Variants in TEPSIN observed in about 807,000 individuals in gnomAD.
TEPSIN encodes AP-4 complex accessory subunit tepsin.
TEPSIN carries 50 observed loss-of-function variants against 48.5 expected under a neutral mutation model. That is an observed-to-expected ratio of 1.03 (90% CI 0.82 to 1.31). TEPSIN has a LOEUF of 1.31. TEPSIN is among the 50% of genes most tolerant of loss of function. TEPSIN has a pLI of 0.00. For synonymous variants in TEPSIN, 392 were observed against 358.8 expected (o/e 1.09, Z -1.05); for missense variants, 838 against 815.9 (o/e 1.03, Z -0.33).
chr17:81,230,611 CGGA>C lies in TEPSIN; in HGVS notation c.1163_1165del (p.Leu388del), dbSNP rs2062574532. ...GAGCTCCTGCAGCCACGGCCGGGTG[CGGA>C]GGAGGATGTGCTCCTGGGGGAGGAG... On this transcript the variant is annotated inframe_deletion, in exon 12 of 13. Coordinates refer to ENST00000637944, the MANE Select transcript of TEPSIN (RefSeq NM_001363764.2). This position sits in a 1 kb window ranked among gnomAD's most constrained non-coding sequence, Gnocchi z 4.2. 6.2e-7 allele frequency: 1 copy of C among 1,606,576 alleles called. No homozygotes were observed. Among genetic ancestry groups the C allele is most frequent in the Non-Finnish European group, 8.5e-7 (1 of 1,176,570 alleles).
chr17:81,228,418 GA>G lies in TEPSIN; in HGVS notation c.*509del. Reference sequence around the variant, plus strand: ...CCTAAAGGAGCAGGTGAGAGCCAGGGAAGGATCACGTAGGGATCTGAGACTT... The same window carrying G: ...CCTAAAGGAGCAGGTGAGAGCCAGGGAGGATCACGTAGGGATCTGAGACTT... On this transcript the variant is annotated 3_prime_UTR_variant, in exon 13 of 13. Coordinates refer to ENST00000637944, the MANE Select transcript of TEPSIN (RefSeq NM_001363764.2). The G allele has an allele frequency of 5.4e-6, 1 of 185,190 alleles. No individual in the cohort carries two copies. Among genetic ancestry groups the G allele is most frequent in the South Asian group, 9.9e-5 (1 of 10,138 alleles). The allele number at this position is 185,190 out of a possible 1,614,324, so 11.5% of individuals were successfully genotyped here. A position where few individuals can be genotyped will look rare whatever the true frequency, so the allele number is the denominator to read the frequency against.
chr17:81,238,617 C>T (rs1455373828), intron 1 of TEPSIN: 2 of 1,116,010 alleles, frequency 1.8e-6, no homozygotes, highest in Non-Finnish European at 2.2e-6. Context: ...TCAGGGAGGA[C>T]GGCGGGCTGC....
At position 81,231,378 on chromosome 17, in the gene TEPSIN, C is replaced by T. The variant is rs116614621; in HGVS notation, c.1098+20G>A. ...GCACATGCACACAGTCACGCCCTCC[C>T]GCCCGCGTGTGCAGCTCACCAGCTG... On this transcript the variant is annotated intron_variant, in intron 11 of 12. Transcript: ENST00000637944. 8.5e-4 allele frequency: 1,304 copies of T among 1,529,362 alleles called. 10 individuals are homozygous for T. In the African/African-American group the frequency reaches 0.016, roughly 18 times the overall value. 94.7% of individuals were successfully genotyped at this position (1,529,362 alleles called of 1,614,324 possible).
rs2062743551 is a variant in TEPSIN, at chr17:81,237,420, G to A, written c.88C>T (p.Pro30Ser). 6.2e-7 allele frequency: 1 copy of A among 1,611,834 alleles called. No homozygotes were observed. The highest frequency in any genetic ancestry group is 8.5e-7 in the Non-Finnish European group (1 of 1,179,466). ...LLKGTSDDDV[P>S]CPGYLFEEIA... ...TCTTCAAACAGGTAGCCCGGACACG[G>A]GACATCATCATCGGACGTCCCCTTC... is the stretch of plus-strand genomic sequence containing the variant. Residue 30 changes from proline (P) to serine (S), a missense_variant, in exon 2 of 13, where the codon CCG becomes TCG. Transcript: ENST00000637944.
In TEPSIN at chr17:81,234,919, T is replaced by C. The variant is rs545972575; in HGVS notation, c.308-871A>G. On this transcript the variant is annotated intron_variant, in intron 4 of 12. Transcript: ENST00000637944. This position sits in a 1 kb window ranked among gnomAD's most constrained non-coding sequence, Gnocchi z 5.4. ...CTTAACCAAAAACTGCCTAAATCCATAGGGCATCAGCCTAATGGCTAAGGT... is the reference window on the plus strand; with the variant it reads ...CTTAACCAAAAACTGCCTAAATCCACAGGGCATCAGCCTAATGGCTAAGGT... Among the ~76,000 whole-genome samples, 18 of 152,178 alleles carry C rather than the reference T, an allele frequency of 1.2e-4. No homozygotes were observed. The highest frequency in any genetic ancestry group is 4.3e-4 in the African/African-American group (18 of 41,518).
In TEPSIN at chr17:81,230,733, G is replaced by A; in HGVS notation, c.1099-55C>T. ...CCATGGGGCAGCAGGTCCACGCCAG[G>A]GAGGCCTATTTGGCCATCTCTCTCC... On this transcript the variant is annotated intron_variant, in intron 11 of 12. Coordinates refer to ENST00000637944, the MANE Select transcript of TEPSIN (RefSeq NM_001363764.2). This position sits in a 1 kb window ranked among gnomAD's most constrained non-coding sequence, Gnocchi z 4.2. 25 of 1,468,234 alleles carry A rather than the reference G, an allele frequency of 1.7e-5. No homozygotes were observed. Among genetic ancestry groups the A allele is most frequent in the Non-Finnish European group, 2.3e-5 (25 of 1,109,648 alleles). 91.0% of individuals were successfully genotyped at this position (1,468,234 alleles called of 1,614,324 possible). A position where few individuals can be genotyped will look rare whatever the true frequency, so the allele number is the denominator to read the frequency against.
intron 1 of TEPSIN, chr17:81,238,512 A>G: frequency 1.5e-6 from 1 of 689,354 alleles, no homozygotes; most frequent in Non-Finnish European, 1.8e-6. Flanking sequence ...AGAGGGGCTT[A>G]CAATGGTGCG....
rs1267594927 is a variant in TEPSIN, at chr17:81,233,681, C to T, written c.411G>A (p.Leu137=). 2 of 1,600,232 alleles carry T rather than the reference C, an allele frequency of 1.2e-6. No individual in the cohort carries two copies. The highest frequency in any genetic ancestry group is 1.3e-5 in the African/African-American group (1 of 74,852). The change falls in exon 6 of 13, where the codon TTG becomes TTA. Residue 137 remains leucine (L), a synonymous_variant. Transcript: ENST00000637944. This position sits in a 1 kb window ranked among gnomAD's most constrained non-coding sequence, Gnocchi z 5.8. ...CCAGAGGCTGGGAGGGAGCCAGCGG[C>T]AACACGGTGTCCGAGAACAGGGTGC... ...LGSTLFSDTV[L]PLAPSQPLGT... is the part of the protein sequence containing the mutation.
chr17:81,232,724 T>G, intron 7 of TEPSIN: 1 of 567,880 alleles, frequency 1.8e-6, no homozygotes, highest in South Asian at 2.4e-5. Flanking sequence ...CCAGTGGGCC[T>G]GGACACCAAA....
rs774970166 is a variant in TEPSIN at position 81,230,049 on chromosome 17, G to A, written c.1233+495C>T. On this transcript the variant is annotated intron_variant, in intron 12 of 12. Transcript: ENST00000637944. The surrounding 1 kb of genome is among the most constrained non-coding windows in gnomAD (Gnocchi z 4.2). ...GAAGCTGGGAATGCCCACAGGCAGA[G>A]GGAAGGTGCCAGGGCCTGGCGGCCG... is the stretch of plus-strand genomic sequence containing the variant. The A allele has an allele frequency of 4.7e-5, 8 of 169,104 alleles. No individual in the cohort carries two copies. Among genetic ancestry groups the A allele is most frequent in the Non-Finnish European group, 1.0e-4 (8 of 79,416 alleles). The allele number at this position is 169,104 out of a possible 1,614,324, so 10.5% of individuals were successfully genotyped here.
chr17:81,232,708 C>T (rs2062642251), intron 7 of TEPSIN, 190 bp from the exon 8 acceptor site: 3 of 578,126 alleles, frequency 5.2e-6, no homozygotes, highest in Non-Finnish European at 9.1e-6. Flanking sequence ...TTTGGCATTC[C>T]CACTCCCAGT....
Position 81,229,121 on chromosome 17 carries a change from C to T in TEPSIN, c.1589G>A (p.Ser530Asn). ...CAAGGAGTCGCGGCTCCACGCACAG[C>T]TGCTGGGGCCTCTCTTTGGGCTGTC... ...GTDSPKRGPS[S>N]CAWSRDSLFA... Residue 530 changes from serine to asparagine, a missense_variant, in exon 13 of 13, where the codon AGC becomes AAC. Coordinates refer to ENST00000637944, the MANE Select transcript of TEPSIN (RefSeq NM_001363764.2). 2 of 1,613,332 alleles carry T rather than the reference C, an allele frequency of 1.2e-6. No homozygotes were observed. The highest frequency in any genetic ancestry group is 1.7e-6 in the Non-Finnish European group (2 of 1,179,898).
rs532784829 is a variant in TEPSIN at position 81,231,991 on chromosome 17, C to T, written c.761G>A (p.Gly254Glu). 3.5e-5 allele frequency: 56 copies of T among 1,611,562 alleles called. No homozygotes were observed. Among genetic ancestry groups the T allele is most frequent in the Non-Finnish European group, 4.5e-5 (53 of 1,179,950 alleles). ...GCCGCTGTCCAGCTCATCCCAGCCCCCTCCGGCCTGCCCAGGCTGATGCCT... is the reference window on the plus strand; with the variant it reads ...GCCGCTGTCCAGCTCATCCCAGCCCTCTCCGGCCTGCCCAGGCTGATGCCT... ...AVRHQPGQAG[G>E]GWDELDSGPS... The change falls in exon 9 of 13, where the codon GGG (glycine) becomes GAG (glutamate). Residue 254 changes from glycine (G) to glutamate (E), a missense_variant. Physicochemically the swap from Gly to Glu is moderately conservative, Grantham distance 98. Transcript: ENST00000637944.
At chr17:81,238,193 TG>T in intron 1 of TEPSIN, 1 of 985,572 alleles carries the variant, frequency 1.0e-6, no homozygotes, top group Non-Finnish European at 1.2e-6. Flanking sequence ...GGACCTGAAG[TG>T]TTTCCCGAGG....
intron 4 of TEPSIN, among the ~76,000 whole-genome samples, chr17:81,236,274 C>T (rs563013194): frequency 6.6e-6 from 1 of 152,330 alleles, no homozygotes; most frequent in African/African-American, 2.4e-5. Flanking sequence ...TCTTGGGCTC[C>T]GAGGAGCAGC....
Position 81,233,328 on chromosome 17 carries a change from C to G in TEPSIN, c.526+104G>C. 7.4e-7 allele frequency: 1 copy of G among 1,352,892 alleles called. No homozygotes were observed. Among genetic ancestry groups the G allele is most frequent in the Admixed American group, 2.2e-5 (1 of 44,874 alleles). 83.8% of individuals were successfully genotyped at this position (1,352,892 alleles called of 1,614,324 possible). A position where few individuals can be genotyped will look rare whatever the true frequency, so the allele number is the denominator to read the frequency against. The stretch of plus-strand genomic sequence containing the variant: ...GGTTGAGGCCATGTAGGGGAGGGGA[C>G]GGGGGACAGCAGCTACTAGATGGGG... On this transcript the variant is annotated intron_variant, in intron 7 of 12. Transcript: ENST00000637944. This position sits in a 1 kb window ranked among gnomAD's most constrained non-coding sequence, Gnocchi z 5.8.
At chr17:81,237,621 C>A (rs774099146) in intron 1 of TEPSIN, 162 bp from the exon 2 acceptor site, 22 of 728,522 alleles carry the variant, frequency 3.0e-5, no homozygotes, top group Non-Finnish European at 4.6e-5. Context: ...CACAGGGAGG[C>A]TGCAGCAGGG....
intron 4 of TEPSIN, among the ~76,000 whole-genome samples, chr17:81,235,289 G>A (rs1271969522): frequency 2.0e-5 from 3 of 152,214 alleles, no homozygotes; most frequent in Non-Finnish European, 4.4e-5. Flanking sequence ...TGCCAGCTGC[G>A]TTTTCTTTCC....
Position 81,230,765 on chromosome 17 carries a change from TTCC to T in TEPSIN, c.1099-90_1099-88del. On this transcript the variant is annotated intron_variant, in intron 11 of 12. Coordinates refer to ENST00000637944, the MANE Select transcript of TEPSIN (RefSeq NM_001363764.2). This position sits in a 1 kb window ranked among gnomAD's most constrained non-coding sequence, Gnocchi z 4.2. ...TATTTGGCCATCTCTCTCCCTCTTC[TTCC>T]TCCTCATCAATGACTGGAGTGCCAG... The T allele has an allele frequency of 8.4e-6, 12 of 1,425,300 alleles. No individual in the cohort carries two copies. Among genetic ancestry groups the T allele is most frequent in the Non-Finnish European group, 1.1e-5 (12 of 1,083,508 alleles). The allele number at this position is 1,425,300 out of a possible 1,614,324, so 88.3% of individuals were successfully genotyped here.
Sources: allele counts gnomAD v4.1 joint callset (sites outside exome capture counted in the v4.1 genomes callset), GRCh38; gene constraint gnomAD v4.1.1; non-coding constraint Gnocchi (gnomAD v3.1); transcripts MANE v1.5; gene names NCBI Gene and HGNC (gene_info 2026-07-23, HGNC 2026-07-21).